The following FARP1 variants were observed in gnomAD, a reference collection of about 807,000 sequenced individuals.
FARP1 encodes the protein FERM, ARH/RhoGEF and pleckstrin domain protein 1, also known as FERM, ARHGEF and pleckstrin domain-containing protein 1.
In FARP1, 52 loss-of-function variants were observed where a neutral mutation model predicts 128.8. That is an observed-to-expected ratio of 0.40 (90% CI 0.32 to 0.51). The LOEUF is 0.51. FARP1 is among the 20% of genes least tolerant of loss of function. The pLI, the probability that FARP1 is intolerant of heterozygous loss-of-function variation, is 0.45. For missense variants in FARP1, 1,333 were observed against 1,367.9 expected (o/e 0.97, Z 0.40); for synonymous variants, 580 against 551.8 (o/e 1.05, Z -0.72).
chr13:98,216,344 C>T (rs542118524), intron 2 of FARP1, among the ~76,000 whole-genome samples: 1 of 152,238 alleles, frequency 6.6e-6, no homozygotes, highest in Admixed American at 6.5e-5. Flanking sequence ...ACTCAGCTCC[C>T]CAGTCTTGCT....
chr13:98,209,796 CAAAAAAAAAAAAAAAAAA>C (rs71111935), intron 1 of FARP1, among the ~76,000 whole-genome samples: 5 of 49,364 alleles, frequency 1.0e-4, no homozygotes, highest in Admixed American at 6.7e-4. Context: ...AACTGTGTCT[CAAAAAAAAAAAAAAAAAA>C]AAAAAAAAAA....
At chr13:98,296,756 G>A (rs1885715364) in intron 2 of FARP1, among the ~76,000 whole-genome samples, 2 of 138,862 alleles carry the variant, frequency 1.4e-5, no homozygotes. Flanking sequence ...CAGTGACATA[G>A]CTCACTGCAG....
At chr13:98,261,044 G>A (rs1336738289) in intron 2 of FARP1, among the ~76,000 whole-genome samples, 1 of 152,194 alleles carries the variant, frequency 6.6e-6, no homozygotes, top group Non-Finnish European at 1.5e-5. Context: ...ATGGACAGGT[G>A]TGACAGCTCT....
At chr13:98,408,413 A>G (rs1891060133) in intron 13 of FARP1, among the ~76,000 whole-genome samples, 2 of 133,342 alleles carry the variant, frequency 1.5e-5, no homozygotes, top group African/African-American at 5.8e-5. Flanking sequence ...CCGCAACCTT[A>G]CCTACCTGGT....
intron 2 of FARP1, among the ~76,000 whole-genome samples, chr13:98,248,780 T>C (rs1594319791): frequency 6.6e-6 from 1 of 152,066 alleles, no homozygotes. Flanking sequence ...TTTTTGATGA[T>C]CTAGTTAGTG....
intron 1 of FARP1, among the ~76,000 whole-genome samples, chr13:98,179,717 C>T (rs1878363954): frequency 1.3e-5 from 2 of 151,816 alleles, no homozygotes; most frequent in African/African-American, 2.4e-5. Flanking sequence ...ATTAGCTGGG[C>T]GTGGTGGCGG....
At chr13:98,165,708 G>A (rs1877200078) in intron 1 of FARP1, among the ~76,000 whole-genome samples, 1 of 119,968 alleles carries the variant, frequency 8.3e-6, no homozygotes, top group Admixed American at 9.3e-5. Context: ...CTTCCAGAAG[G>A]GGTTTTTTTT....
At chr13:98,213,796 T>C (rs1395434859) in intron 2 of FARP1, among the ~76,000 whole-genome samples, 4 of 152,122 alleles carry the variant, frequency 2.6e-5, no homozygotes, top group South Asian at 2.1e-4. Flanking sequence ...CTCTCTCACA[T>C]TGGTGCTTGT....
intron 2 of FARP1, among the ~76,000 whole-genome samples, chr13:98,267,499 C>T (rs1212396107): frequency 2.0e-5 from 3 of 152,212 alleles, no homozygotes; most frequent in East Asian, 1.9e-4. Flanking sequence ...CCCCCATATC[C>T]TTCCCAAGGT....
Position 98,176,933 on chromosome 13 carries a change from G to C in FARP1, c.-24+33441G>C. The C allele has an allele frequency of 6.2e-7, 1 of 1,603,112 alleles. No individual in the cohort carries two copies. Among genetic ancestry groups the C allele is most frequent in the Non-Finnish European group, 8.5e-7 (1 of 1,179,914 alleles). ...GCCCCCATGTCCTCTGGCCCCACAG[G>C]CTTCGCCGAGCGGGTGGACCTGTAC... On this transcript the variant is annotated intron_variant, in intron 1 of 26. Transcript: ENST00000319562. The surrounding 1 kb of genome is among the most constrained non-coding windows in gnomAD (Gnocchi z 6.2).
chr13:98,319,194 G>T (rs370915242), intron 2 of FARP1, among the ~76,000 whole-genome samples: 1 of 152,000 alleles, frequency 6.6e-6, no homozygotes, highest in South Asian at 2.1e-4. Context: ...CAAACTCCTA[G>T]GCTCAAGCAG....
intron 2 of FARP1, among the ~76,000 whole-genome samples, chr13:98,341,564 G>A (rs1887976291): frequency 2.0e-5 from 3 of 152,160 alleles, no homozygotes; most frequent in African/African-American, 4.8e-5. Flanking sequence ...CCCAGAAGGC[G>A]GAGGTTGCAG....
intron 2 of FARP1, among the ~76,000 whole-genome samples, chr13:98,226,794 C>T (rs1352914616): frequency 6.6e-6 from 1 of 152,020 alleles, no homozygotes; most frequent in Non-Finnish European, 1.5e-5. Context: ...ACTGTAAGAG[C>T]GATTGGTTTT....
chr13:98,453,315 A>G lies in FARP1; in HGVS notation c.*4998A>G, dbSNP rs188712369. On this transcript the variant is annotated 3_prime_UTR_variant, in exon 27 of 27. Coordinates refer to ENST00000319562, the MANE Select transcript of FARP1 (RefSeq NM_005766.4). ...TAGTTTTCATAAGAAATTCCAAGTCATACAAAAATAAGTGGAGCAAATATC... is the reference window on the plus strand; with the variant it reads ...TAGTTTTCATAAGAAATTCCAAGTCGTACAAAAATAAGTGGAGCAAATATC... 1 of 1,184,754 alleles carries G rather than the reference A, an allele frequency of 8.4e-7. No homozygotes were observed. The highest frequency in any genetic ancestry group is 1.5e-5 in the African/African-American group (1 of 64,920). 73.4% of individuals were successfully genotyped at this position (1,184,754 alleles called of 1,614,324 possible). A position where few individuals can be genotyped will look rare whatever the true frequency, so the allele number is the denominator to read the frequency against.
intron 1 of FARP1, among the ~76,000 whole-genome samples, chr13:98,198,466 C>T (rs1253504663): frequency 1.3e-5 from 2 of 152,176 alleles, no homozygotes; most frequent in Non-Finnish European, 2.9e-5. Flanking sequence ...GGCGCGGTGG[C>T]TCATACTGTA....
intron 2 of FARP1, among the ~76,000 whole-genome samples, chr13:98,251,404 G>A (rs930576781): frequency 3.3e-5 from 5 of 152,130 alleles, no homozygotes; most frequent in East Asian, 1.9e-4. Flanking sequence ...ACTGGGGGCC[G>A]GGCATGGTAT....
At chr13:98,272,175 G>A (rs536134734) in intron 2 of FARP1, among the ~76,000 whole-genome samples, 6 of 151,910 alleles carry the variant, frequency 3.9e-5, no homozygotes, top group African/African-American at 7.3e-5. Context: ...GATTATAGGC[G>A]CCTCCCACCA....
chr13:98,146,817 A>G (rs1156941685), intron 1 of FARP1, among the ~76,000 whole-genome samples: 2 of 152,072 alleles, frequency 1.3e-5, no homozygotes, highest in Non-Finnish European at 2.9e-5. Flanking sequence ...GGTGCTTTTG[A>G]TTGAAAGGAG....
intron 2 of FARP1, among the ~76,000 whole-genome samples, chr13:98,228,564 A>G (rs17550322): frequency 0.033 from 4,977 of 152,308 alleles, 106 homozygotes; most frequent in Middle Eastern, 0.041. Context: ...TTGTTTGTAT[A>G]GTATATCGTT....
Sources: gnomAD v4.1 joint callset for allele counts (sites outside exome capture counted in the v4.1 genomes callset) on GRCh38, gnomAD v4.1.1 for gene constraint, Gnocchi (gnomAD v3.1) non-coding constraint, MANE v1.5 for transcripts, NCBI Gene and HGNC (gene_info 2026-07-23, HGNC 2026-07-21) for gene names.